The following KAT6B variants were observed in gnomAD, a reference collection of about 807,000 sequenced individuals.
KAT6B encodes the protein histone acetyltransferase KAT6B.
KAT6B carries 10 observed loss-of-function variants against 187.5 expected under a neutral mutation model. That is an observed-to-expected ratio of 0.05 (90% confidence interval 0.03 to 0.09). KAT6B has a LOEUF of 0.09. Ranked by LOEUF, KAT6B falls within the 10% of genes least tolerant of loss-of-function variation. The pLI is 1.00. For missense variants in KAT6B, 1,952 were observed against 2,558.9 expected, an observed-to-expected ratio of 0.76 and a Z score of 5.12; for synonymous variants, 861 against 926.8, an observed-to-expected ratio of 0.93 and a Z score of 1.29.
At chr10:74,948,973 G>A (rs746122149) in intron 3 of KAT6B, among the ~76,000 whole-genome samples, 1 of 152,106 alleles carries the variant, frequency 6.6e-6, no homozygotes, top group Non-Finnish European at 1.5e-5. Flanking sequence ...TTATAGTCTT[G>A]AAGTCTGGAC....
At chr10:74,875,489 T>C (rs74419223) in intron 3 of KAT6B, among the ~76,000 whole-genome samples, 13 of 151,380 alleles carry the variant, frequency 8.6e-5, no homozygotes, top group South Asian at 8.3e-4. Context: ...TTTTTTTTTT[T>C]CCCTTGAGAT....
chr10:75,016,730 G>C (rs1844995063), intron 13 of KAT6B, among the ~76,000 whole-genome samples: 1 of 152,220 alleles, frequency 6.6e-6, no homozygotes, highest in Admixed American at 6.5e-5. Flanking sequence ...AGGGAGAGCT[G>C]AGGTTTTCTG....
chr10:74,858,104 GT>G (rs1842929891), intron 3 of KAT6B, among the ~76,000 whole-genome samples: 1 of 152,024 alleles, frequency 6.6e-6, no homozygotes, highest in Admixed American at 6.6e-5. Context: ...AAGGCCGGGG[GT>G]CAAGAGGCCT....
intron 17 of KAT6B, 178 bp downstream of exon 17, chr10:75,025,427 A>G: frequency 1.6e-6 from 1 of 616,848 alleles, no homozygotes; most frequent in Non-Finnish European, 2.8e-6. Context: ...TCTTCCTGGA[A>G]TTGGATTTTA....
intron 10 of KAT6B, among the ~76,000 whole-genome samples, chr10:74,981,542 T>G (rs999759970): frequency 3.3e-5 from 5 of 152,090 alleles, no homozygotes; most frequent in Admixed American, 3.3e-4. Context: ...CCCAGCTAAT[T>G]TTTGCATTTT....
chr10:74,917,922 A>G (rs1453866869), intron 3 of KAT6B, among the ~76,000 whole-genome samples: 1 of 152,244 alleles, frequency 6.6e-6, no homozygotes, highest in Non-Finnish European at 1.5e-5. Flanking sequence ...GTGAGGCATG[A>G]AACTAGAAGA....
chr10:74,909,618 G>A (rs1008551956), intron 3 of KAT6B, among the ~76,000 whole-genome samples: 18 of 152,174 alleles, frequency 1.2e-4, no homozygotes, highest in African/African-American at 4.1e-4. Flanking sequence ...GTTTCCCTTA[G>A]CTTTCTTGGG....
At chr10:74,864,243 A>AT (rs1254819677) in intron 3 of KAT6B, among the ~76,000 whole-genome samples, 13 of 148,826 alleles carry the variant, frequency 8.7e-5, no homozygotes, top group African/African-American at 2.7e-4. Flanking sequence ...TAATTTTTGT[A>AT]TTTTTTGTAT....
chr10:74,949,440 A>C (rs778823985), intron 3 of KAT6B, among the ~76,000 whole-genome samples: 1 of 151,884 alleles, frequency 6.6e-6, no homozygotes, highest in African/African-American at 2.4e-5. Context: ...AAAACAAAAC[A>C]AAAAAAACAA....
At chr10:74,851,155 C>T (rs1379020604) in intron 3 of KAT6B, among the ~76,000 whole-genome samples, 8 of 151,462 alleles carry the variant, frequency 5.3e-5, no homozygotes, top group African/African-American at 7.3e-5. Flanking sequence ...TTGCCCAGGC[C>T]GGAGTGCAGT....
chr10:74,843,223 T>C lies in KAT6B; in HGVS notation c.366T>C (p.Asn122=). Residue 122 remains asparagine, a synonymous_variant, in exon 3 of 18, where the codon AAT becomes AAC. Transcript: ENST00000287239. ...RRAIEGLEEP[N]GSSLKNIEKY... ...CAATTGAAGGACTTGAGGAGCCGAA[T>C]GGCTCCTCCCTGAAGAACATAGAGA... 1.9e-6 allele frequency: 3 copies of C among 1,614,168 alleles called. No homozygotes were observed. The highest frequency in any genetic ancestry group is 8.5e-7 in the Non-Finnish European group (1 of 1,179,968).
In KAT6B at chr10:75,030,838, G is replaced by A. The variant is rs141200092; in HGVS notation, c.6014G>A (p.Gly2005Asp). ...YSMSQPMMNS[G>D]YHSNHGYMNQ... ...ATGTCCCAGCCAATGATGAACAGTG[G>A]CTACCACAGCAATCATGGCTATATG... is the stretch of plus-strand genomic sequence containing the variant. The change falls in exon 18 of 18, where the codon GGC becomes GAC. Residue 2005 changes from glycine (G) to aspartate (D), a missense_variant. Gly to Asp is a moderately conservative substitution (Grantham distance 94, BLOSUM62 -1). Around this residue, in one of 9 missense-constraint regions of KAT6B, gnomAD observed 358 missense variants for 436.3 expected, o/e 0.82. Coordinates refer to ENST00000287239, the MANE Select transcript of KAT6B (RefSeq NM_012330.4). This position sits in a 1 kb window ranked among gnomAD's most constrained non-coding sequence, Gnocchi z 4.8. 102 of 1,614,060 alleles carry A rather than the reference G, an allele frequency of 6.3e-5. No individual in the cohort carries two copies. Among genetic ancestry groups the A allele is most frequent in the Non-Finnish European group, 8.6e-5 (101 of 1,180,048 alleles).
intron 3 of KAT6B, among the ~76,000 whole-genome samples, chr10:74,844,116 C>T (rs1050259634): frequency 2.6e-5 from 4 of 152,198 alleles, no homozygotes; most frequent in Non-Finnish European, 4.4e-5. Flanking sequence ...TCAAGTGATG[C>T]GCCCGCCTCG....
intron 13 of KAT6B, among the ~76,000 whole-genome samples, chr10:74,997,512 A>G (rs16931909): frequency 0.034 from 5,130 of 152,236 alleles, 217 homozygotes; most frequent in East Asian, 0.16. Flanking sequence ...CACAGCTGCA[A>G]ATTGAACCCA....
intron 3 of KAT6B, among the ~76,000 whole-genome samples, chr10:74,853,178 G>A (rs1589475136): frequency 1.6e-5 from 2 of 121,590 alleles, no homozygotes; most frequent in African/African-American, 6.3e-5. Flanking sequence ...GCAGTGGTTT[G>A]ATCATGGCTC....
chr10:74,892,128 G>T (rs1845682387), intron 3 of KAT6B, among the ~76,000 whole-genome samples: 1 of 152,218 alleles, frequency 6.6e-6, no homozygotes, highest in Non-Finnish European at 1.5e-5. Context: ...AGCACTTTGG[G>T]AGGACAAGGA....
intron 7 of KAT6B, among the ~76,000 whole-genome samples, chr10:74,973,918 G>A (rs541075253): frequency 6.6e-6 from 1 of 152,244 alleles, no homozygotes; most frequent in African/African-American, 2.4e-5. Context: ...TCTAAACAGA[G>A]GACACAGCTG....
intron 13 of KAT6B, among the ~76,000 whole-genome samples, chr10:75,002,347 C>T (rs1373712359): frequency 3.4e-5 from 5 of 149,002 alleles, no homozygotes; most frequent in South Asian, 2.2e-4. Context: ...ATTTAGTTTT[C>T]TCTCTCTCTC....
At chr10:74,850,931 TG>T (rs1842439122) in intron 3 of KAT6B, among the ~76,000 whole-genome samples, 1 of 152,200 alleles carries the variant, frequency 6.6e-6, no homozygotes, top group Non-Finnish European at 1.5e-5. Flanking sequence ...GTACATAATG[TG>T]GGAATTCTCA....
Sources: allele counts gnomAD v4.1 joint callset (sites outside exome capture counted in the v4.1 genomes callset), GRCh38; gene constraint gnomAD v4.1.1; regional missense constraint gnomAD v4.1.1; non-coding constraint Gnocchi (gnomAD v3.1); transcripts MANE v1.5; gene names NCBI Gene and HGNC (gene_info 2026-07-23, HGNC 2026-07-21).